The following CCDC88C variants were observed in gnomAD, a reference collection of about 807,000 sequenced individuals.
CCDC88C encodes the protein coiled-coil and HOOK domain protein 88C, also known as protein Daple.
A neutral mutation model predicts 198.8 loss-of-function variants in CCDC88C; 131 were observed. The observed-to-expected ratio is 0.66, with a 90% CI of 0.57 to 0.76. The LOEUF is 0.76. CCDC88C is among the 30% of genes least tolerant of loss of function. CCDC88C has a pLI of 0.00. For missense variants in CCDC88C, 2,553 were observed against 2,631.6 expected, an observed-to-expected ratio of 0.97 and a Z score of 0.65; for synonymous variants, 1,166 against 1,114.7, an observed-to-expected ratio of 1.05 and a Z score of -0.92.
chr14:91,392,718 ACCCCTCACTGAGC>A (rs1434641973), intron 3 of CCDC88C, among the ~76,000 whole-genome samples: 3 of 149,738 alleles, frequency 2.0e-5, no homozygotes, highest in Admixed American at 2.0e-4. Flanking sequence ...CCTCACTGCA[ACCCCTCACTGAGC>A]CCCCTCACTC....
At chr14:91,391,274 T>C (rs1885490203) in intron 3 of CCDC88C, among the ~76,000 whole-genome samples, 1 of 151,752 alleles carries the variant, frequency 6.6e-6, no homozygotes, top group African/African-American at 2.4e-5. Flanking sequence ...AAAAACCCAC[T>C]GGGTGCCCGT....
At chr14:91,300,120 G>A (rs1311488345) in intron 20 of CCDC88C, 50 bp from the exon 21 acceptor site, 19 of 1,579,128 alleles carry the variant, frequency 1.2e-5, no homozygotes, top group Middle Eastern at 1.7e-4. Flanking sequence ...CTTCTTTTCC[G>A]ACAGGTAACT....
chr14:91,413,733 G>A (rs951952890), intron 2 of CCDC88C, among the ~76,000 whole-genome samples: 2 of 152,176 alleles, frequency 1.3e-5, no homozygotes, highest in African/African-American at 4.8e-5. Context: ...ACTACTAACA[G>A]CCTTCTCCGG....
At chr14:91,400,522 A>G (rs1886111241) in intron 3 of CCDC88C, among the ~76,000 whole-genome samples, 1 of 152,266 alleles carries the variant, frequency 6.6e-6, no homozygotes. Context: ...TCCCGGCCAC[A>G]GCCAGGCCCT....
chr14:91,308,575 T>C (rs893103829), intron 16 of CCDC88C, 83 bp from the exon 17 acceptor site: 10 of 1,378,514 alleles, frequency 7.3e-6, no homozygotes, highest in Non-Finnish European at 1.0e-5. Context: ...AACACATCAC[T>C]CCTTCCATTA....
At chr14:91,416,283 G>A (rs1318943634) in intron 2 of CCDC88C, among the ~76,000 whole-genome samples, 1 of 152,166 alleles carries the variant, frequency 6.6e-6, no homozygotes, top group Non-Finnish European at 1.5e-5. Flanking sequence ...AAAGGAAGAT[G>A]AAATGTAAAG....
intron 14 of CCDC88C, among the ~76,000 whole-genome samples, chr14:91,314,518 G>A (rs1439426502): frequency 6.6e-6 from 1 of 152,202 alleles, no homozygotes; most frequent in Non-Finnish European, 1.5e-5. Context: ...CCAGCTGACT[G>A]TGAACACTTT....
At chr14:91,392,678 G>A (rs1015481561) in intron 3 of CCDC88C, among the ~76,000 whole-genome samples, 5 of 151,806 alleles carry the variant, frequency 3.3e-5, no homozygotes, top group Non-Finnish European at 5.9e-5. Context: ...GTTCTTGAAG[G>A]CAGCACCAGG....
chr14:91,330,943 C>T (rs925021271), intron 10 of CCDC88C, among the ~76,000 whole-genome samples: 6 of 151,940 alleles, frequency 3.9e-5, no homozygotes, highest in African/African-American at 1.5e-4. Flanking sequence ...GAATGAGGGC[C>T]CTGATACTGA....
intron 15 of CCDC88C, 114 bp downstream of exon 15, chr14:91,312,966 G>T (rs1238977032): frequency 2.6e-6 from 2 of 780,176 alleles, no homozygotes; most frequent in Non-Finnish European, 4.0e-6. Context: ...TTTAGAATTA[G>T]ATAAAGCATT....
intron 3 of CCDC88C, among the ~76,000 whole-genome samples, chr14:91,403,663 C>A (rs952069038): frequency 1.3e-5 from 2 of 152,264 alleles, no homozygotes; most frequent in Non-Finnish European, 2.9e-5. Context: ...GCCTTACAGG[C>A]TCGTGCCTAT....
intron 10 of CCDC88C, among the ~76,000 whole-genome samples, chr14:91,334,494 T>C (rs1030498520): frequency 6.6e-6 from 1 of 152,188 alleles, no homozygotes; most frequent in African/African-American, 2.4e-5. Flanking sequence ...GAGATCTGCC[T>C]GCCTTGTCCT....
Position 91,320,922 on chromosome 14 carries a change from C to T in CCDC88C, c.1527+198G>A, listed in dbSNP as rs371395006. 2.0e-5 allele frequency among the ~76,000 whole-genome samples: 3 copies of T among 152,336 alleles called. No individual in the cohort carries two copies. The South Asian group carries it at 6.2e-4, about 32-fold the overall frequency. On this transcript the variant is annotated intron_variant, in intron 13 of 29. Transcript: ENST00000389857. ...GCAGCGAAGCAGGGACAGGGCCACG[C>T]CTCCTCTGGCTCTCCCCAGTCCTCA...
chr14:91,359,433 G>T (rs923483582), intron 4 of CCDC88C, among the ~76,000 whole-genome samples: 1 of 152,124 alleles, frequency 6.6e-6, no homozygotes, highest in Non-Finnish European at 1.5e-5. Context: ...CACCGCGCCC[G>T]GCCTGGGAGG....
At chr14:91,302,397 T>A (rs1195610051) in intron 20 of CCDC88C, among the ~76,000 whole-genome samples, 1 of 152,152 alleles carries the variant, frequency 6.6e-6, no homozygotes, top group Non-Finnish European at 1.5e-5. Context: ...CAGATTCAGG[T>A]GCACATCACA....
chr14:91,351,128 G>T (rs1374385565), intron 4 of CCDC88C, among the ~76,000 whole-genome samples: 6 of 152,200 alleles, frequency 3.9e-5, no homozygotes, highest in Admixed American at 1.3e-4. Context: ...GGTTAGAACC[G>T]CAAAGAGAGC....
intron 3 of CCDC88C, among the ~76,000 whole-genome samples, chr14:91,405,655 GA>G (rs1886445159): frequency 6.6e-6 from 1 of 152,170 alleles, no homozygotes; most frequent in South Asian, 2.1e-4. Context: ...CGTTAACGGC[GA>G]TTGTCTCTGG....
intron 13 of CCDC88C, among the ~76,000 whole-genome samples, chr14:91,317,666 GCT>G (rs1369827927): frequency 6.6e-6 from 1 of 152,236 alleles, no homozygotes; most frequent in East Asian, 1.9e-4. Flanking sequence ...AGAGCTCCAG[GCT>G]TCAGACACAG....
chr14:91,321,050 A>G (rs1220684570), intron 13 of CCDC88C, 70 bp downstream of exon 13: 1 of 1,422,236 alleles, frequency 7.0e-7, no homozygotes, highest in Non-Finnish European at 9.4e-7. Flanking sequence ...GCTCCAGACA[A>G]TCACTGGGGA....
Sources: gnomAD v4.1 joint callset for allele counts (sites outside exome capture counted in the v4.1 genomes callset) on GRCh38, gnomAD v4.1.1 for gene constraint, MANE v1.5 for transcripts, NCBI Gene and HGNC (gene_info 2026-07-23, HGNC 2026-07-21) for gene names.